SNTB1: variants seen among roughly 807,000 people sequenced by gnomAD.
SNTB1 encodes syntrophin beta 1.
A neutral mutation model predicts 48.9 loss-of-function variants in SNTB1; 36 were observed. The ratio of observed to expected loss-of-function variants is 0.74; its 90% CI spans 0.56 to 0.97. The LOEUF is 0.97. Ranked by LOEUF, SNTB1 falls within the 50% of genes least tolerant of loss-of-function variation. The pLI is 0.00. For synonymous variants in SNTB1, 299 were observed against 294.6 expected (o/e 1.01, Z -0.15); for missense variants, 786 against 703.4 (o/e 1.12, Z -1.33).
chr8:120,800,439 T>C (rs1820204955), intron 1 of SNTB1, among the ~76,000 whole-genome samples: 1 of 152,066 alleles, frequency 6.6e-6, no homozygotes, highest in African/African-American at 2.4e-5. Flanking sequence ...ACCAAGCGTC[T>C]TTCTCAGGAA....
intron 3 of SNTB1, among the ~76,000 whole-genome samples, chr8:120,600,817 G>A (rs1007305037): frequency 6.6e-6 from 1 of 151,698 alleles, no homozygotes; most frequent in Admixed American, 6.6e-5. Flanking sequence ...GCAGGGCTGT[G>A]GGGTGAAGGA....
intron 1 of SNTB1, among the ~76,000 whole-genome samples, chr8:120,800,148 G>T: frequency 6.6e-6 from 1 of 152,148 alleles, no homozygotes; most frequent in East Asian, 1.9e-4. Context: ...GGCACCCTAT[G>T]TACCCAGGGG....
intron 3 of SNTB1, among the ~76,000 whole-genome samples, chr8:120,576,507 G>A (rs1201152072): frequency 6.6e-6 from 1 of 152,210 alleles, no homozygotes. Flanking sequence ...AATGATGTAC[G>A]ACTTGAGTTC....
rs1454515533 is a variant in SNTB1 at position 120,811,802 on chromosome 8, G to A, written c.42C>T (p.Gly14=). The change falls in exon 1 of 7, where the codon GGC becomes GGT. Residue 14 remains glycine (G), a synonymous_variant. Transcript: ENST00000517992. ...AAAAAAAGPA[G]AGGGRAQRSG... ...TCCGCTGCGCCCGGCCGCCTCCCGC[G>A]CCAGCCGGCCCAGCCGCCGCCGCCG... 7.1e-7 allele frequency: 1 copy of A among 1,402,072 alleles called. No homozygotes were observed. The highest frequency in any genetic ancestry group is 1.7e-5 in the South Asian group (1 of 57,180). The allele number at this position is 1,402,072 out of a possible 1,614,324, so 86.9% of individuals were successfully genotyped here.
chr8:120,772,596 A>G (rs1276544796), intron 1 of SNTB1, among the ~76,000 whole-genome samples: 1 of 152,152 alleles, frequency 6.6e-6, no homozygotes, highest in Non-Finnish European at 1.5e-5. Context: ...GTGTAAAATA[A>G]ACAAGCAAAG....
At chr8:120,791,130 G>C (rs189359273) in intron 1 of SNTB1, among the ~76,000 whole-genome samples, 4 of 151,858 alleles carry the variant, frequency 2.6e-5, no homozygotes, top group Admixed American at 2.6e-4. Flanking sequence ...CATTGGAACA[G>C]ACTACAGAAC....
At chr8:120,598,750 T>A (rs1326509716) in intron 3 of SNTB1, among the ~76,000 whole-genome samples, 1 of 152,160 alleles carries the variant, frequency 6.6e-6, no homozygotes, top group Non-Finnish European at 1.5e-5. Context: ...AGGGCTGCCC[T>A]CCCTCCTGAT....
intron 3 of SNTB1, among the ~76,000 whole-genome samples, chr8:120,626,052 C>A (rs1425871258): frequency 1.3e-5 from 2 of 152,134 alleles, no homozygotes; most frequent in Admixed American, 6.5e-5. Flanking sequence ...TACATTCACA[C>A]TGAGATTCTT....
chr8:120,759,061 T>C (rs1315308808), intron 1 of SNTB1, among the ~76,000 whole-genome samples: 1 of 152,050 alleles, frequency 6.6e-6, no homozygotes, highest in Non-Finnish European at 1.5e-5. Flanking sequence ...ATGAGCCACC[T>C]TGCCCAGCCC....
At position 120,582,151 on chromosome 8, in the gene SNTB1, C is replaced by T. The variant is rs548471346; in HGVS notation, c.997-6926G>A. Among the ~76,000 whole-genome samples, 9 of 152,208 alleles carry T rather than the reference C, an allele frequency of 5.9e-5. No homozygotes were observed. The East Asian group carries it at 1.2e-3, about 20-fold the overall frequency. The stretch of plus-strand genomic sequence containing the variant: ...GTACTCTGGGCATTAAATCTAGTTT[C>T]GATAAGTTTAAATGTATTCAAGTTA... On this transcript the variant is annotated intron_variant, in intron 3 of 6. Coordinates refer to ENST00000517992, the MANE Select transcript of SNTB1 (RefSeq NM_021021.4).
rs201728533 is a variant in SNTB1 at position 120,564,112 on chromosome 8, C to CAA, written c.1136+10972_1136+10973dup. On this transcript the variant is annotated intron_variant, in intron 4 of 6. Transcript: ENST00000517992. ...AATAAGAGCAAAACTCTGTCTCAAA[C>CAA]AAAAAAAAAAAAAAAGAATTATGTA... 1.0e-3 allele frequency among the ~76,000 whole-genome samples: 115 copies of CAA among 111,636 alleles called. 1 individual carries two copies. Among genetic ancestry groups the CAA allele is most frequent in the East Asian group, 1.8e-3 (8 of 4,434 alleles). The allele number at this position is 111,636 out of a possible 152,430, so 73.2% of individuals were successfully genotyped here. A position where few individuals can be genotyped will look rare whatever the true frequency, so the allele number is the denominator to read the frequency against.
At chr8:120,742,267 A>G (rs986376917) in intron 1 of SNTB1, among the ~76,000 whole-genome samples, 6 of 152,248 alleles carry the variant, frequency 3.9e-5, no homozygotes, top group Non-Finnish European at 5.9e-5. Flanking sequence ...GCCTTTAAAA[A>G]AGATTTTCTT....
chr8:120,765,724 C>A (rs1587143658), intron 1 of SNTB1: 1 of 152,320 alleles, frequency 6.6e-6, no homozygotes, highest in East Asian at 1.9e-4. Context: ...CACCTCCCAA[C>A]ACTGTTGCAC....
chr8:120,648,618 C>T (rs1817346401), intron 2 of SNTB1, among the ~76,000 whole-genome samples: 2 of 151,856 alleles, frequency 1.3e-5, no homozygotes, highest in South Asian at 4.2e-4. Context: ...TTCATTTCAA[C>T]TTTGGTGAAT....
chr8:120,726,586 T>C (rs2129964181), intron 1 of SNTB1, among the ~76,000 whole-genome samples: 1 of 152,330 alleles, frequency 6.6e-6, no homozygotes, highest in East Asian at 1.9e-4. Flanking sequence ...CCAGGAAAAT[T>C]ACTCTTCAGC....
At chr8:120,714,025 T>C (rs1818512537) in intron 1 of SNTB1, among the ~76,000 whole-genome samples, 1 of 151,898 alleles carries the variant, frequency 6.6e-6, no homozygotes, top group Admixed American at 6.5e-5. Flanking sequence ...GTATTTGGAG[T>C]AAGGGGTTCA....
chr8:120,645,435 G>A (rs1315837026), intron 2 of SNTB1, among the ~76,000 whole-genome samples: 1 of 150,886 alleles, frequency 6.6e-6, no homozygotes, highest in African/African-American at 2.4e-5. Context: ...TTTCCCCATT[G>A]CTTGTTTTTC....
chr8:120,755,481 G>C (rs1819303837), intron 1 of SNTB1, among the ~76,000 whole-genome samples: 1 of 152,010 alleles, frequency 6.6e-6, no homozygotes, highest in African/African-American at 2.4e-5. Context: ...ATGGTAGACA[G>C]GTCCATCTGG....
chr8:120,633,400 G>A (rs1587048088), intron 2 of SNTB1, among the ~76,000 whole-genome samples: 1 of 152,164 alleles, frequency 6.6e-6, no homozygotes, highest in East Asian at 1.9e-4. Context: ...GAGGTCAGGA[G>A]TTCAAGACCA....
Sources: gnomAD v4.1 joint callset for allele counts (sites outside exome capture counted in the v4.1 genomes callset) on GRCh38, gnomAD v4.1.1 for gene constraint, MANE v1.5 for transcripts, NCBI Gene and HGNC (gene_info 2026-07-23, HGNC 2026-07-21) for gene names.